The following ITPK1 variants were observed in gnomAD, a reference collection of about 807,000 sequenced individuals.
The protein encoded by ITPK1 is inositol 1,3,4-trisphosphate 5/6-kinase.
In ITPK1, 21 loss-of-function variants were observed where a neutral mutation model predicts 45.3. That is an observed-to-expected ratio of 0.46 (90% CI 0.33 to 0.67). The LOEUF (loss-of-function observed/expected upper bound fraction) is 0.67, where lower values mean the gene tolerates loss of function less well. Ranked by LOEUF, ITPK1 falls within the 30% of genes least tolerant of loss-of-function variation. ITPK1 has a pLI of 0.02. For missense variants in ITPK1, 474 were observed against 573.5 expected, an observed-to-expected ratio of 0.83 and a Z score of 1.77; for synonymous variants, 258 against 253.6, an observed-to-expected ratio of 1.02 and a Z score of -0.16.
At chr14:93,053,158 T>TA (rs1035235683) in intron 3 of ITPK1, among the ~76,000 whole-genome samples, 4 of 150,716 alleles carry the variant, frequency 2.7e-5, no homozygotes, top group South Asian at 2.1e-4. Context: ...AAAATAATAA[T>TA]AAAAAAAAAC....
At position 92,940,854 on chromosome 14, in the gene ITPK1, G is replaced by A. The variant is rs551493348; in HGVS notation, c.*707C>T. 4.1e-5 allele frequency: 53 copies of A among 1,288,672 alleles called. No individual in the cohort carries two copies. In the African/African-American group the frequency reaches 7.6e-4, roughly 18 times the overall value. The allele number at this position is 1,288,672 out of a possible 1,614,324, so 79.8% of individuals were successfully genotyped here. A position where few individuals can be genotyped will look rare whatever the true frequency, so the allele number is the denominator to read the frequency against. On this transcript the variant is annotated 3_prime_UTR_variant, in exon 11 of 11. Transcript: ENST00000267615. ...CAGGGAGCAGCAGTGCTGGCTTAGG[G>A]GAAGGAGACCGCTGTGCAGGGCTAA...
intron 5 of ITPK1, among the ~76,000 whole-genome samples, chr14:92,973,953 T>C (rs1488695505): frequency 6.6e-6 from 1 of 152,208 alleles, no homozygotes; most frequent in Non-Finnish European, 1.5e-5. Context: ...TAGAAAGCCA[T>C]GTGCCTTGCC....
chr14:93,078,867 A>G (rs1377727610), intron 2 of ITPK1, among the ~76,000 whole-genome samples: 1 of 152,144 alleles, frequency 6.6e-6, no homozygotes, highest in Admixed American at 6.5e-5. Flanking sequence ...GACCTTGAGG[A>G]GCCAGCCCAA....
intron 2 of ITPK1, among the ~76,000 whole-genome samples, chr14:93,082,965 C>A (rs1469950701): frequency 6.6e-6 from 1 of 152,208 alleles, no homozygotes; most frequent in Non-Finnish European, 1.5e-5. Context: ...CTCAAGCCAG[C>A]TAAAGCTTTC....
At chr14:93,113,179 G>A (rs1892816717) in intron 2 of ITPK1, among the ~76,000 whole-genome samples, 1 of 152,176 alleles carries the variant, frequency 6.6e-6, no homozygotes, top group Admixed American at 6.5e-5. Flanking sequence ...TTGGCCAAAG[G>A]AAGGCAACTA....
Position 92,938,593 on chromosome 14 carries a change from C to A in ITPK1, c.*2968G>T. On this transcript the variant is annotated 3_prime_UTR_variant, in exon 11 of 11. Transcript: ENST00000267615. Reference sequence around the variant, plus strand: ...TTTATTGACAGGCATGAGACACAGGCAGGCCCAGGCACAGGAAGCCCCATG... The same window carrying A: ...TTTATTGACAGGCATGAGACACAGGAAGGCCCAGGCACAGGAAGCCCCATG... 7.6e-7 allele frequency: 1 copy of A among 1,323,652 alleles called. No homozygotes were observed. The highest frequency in any genetic ancestry group is 1.1e-6 in the Non-Finnish European group (1 of 922,902). 82.0% of individuals were successfully genotyped at this position (1,323,652 alleles called of 1,614,324 possible). A position where few individuals can be genotyped will look rare whatever the true frequency, so the allele number is the denominator to read the frequency against.
intron 9 of ITPK1, among the ~76,000 whole-genome samples, chr14:92,950,093 C>T (rs533624721): frequency 6.6e-5 from 10 of 152,372 alleles, no homozygotes; most frequent in Admixed American, 5.9e-4. Context: ...GGCCGGACCC[C>T]AGGCAGTCCC....
chr14:92,999,462 G>A (rs569795580), intron 4 of ITPK1, among the ~76,000 whole-genome samples: 65 of 152,230 alleles, frequency 4.3e-4, no homozygotes, highest in Non-Finnish European at 8.2e-4. Flanking sequence ...AGCGCCGAGC[G>A]GGTACCATGG....
intron 5 of ITPK1, among the ~76,000 whole-genome samples, chr14:92,991,431 T>C (rs540345676): frequency 4.6e-5 from 7 of 152,182 alleles, no homozygotes; most frequent in Non-Finnish European, 8.8e-5. Context: ...CTACACTTCC[T>C]GCTGATCTAG....
chr14:93,053,043 G>A (rs1298058750), intron 3 of ITPK1, among the ~76,000 whole-genome samples: 1 of 151,488 alleles, frequency 6.6e-6, no homozygotes, highest in East Asian at 1.9e-4. Context: ...CGAGTTAATG[G>A]GTGCAGCACA....
chr14:93,010,933 T>C (rs1457080964), intron 4 of ITPK1, among the ~76,000 whole-genome samples: 1 of 149,356 alleles, frequency 6.7e-6, no homozygotes. Flanking sequence ...ACTCACACCA[T>C]GCCAGGCATT....
intron 3 of ITPK1, among the ~76,000 whole-genome samples, chr14:93,019,534 C>T (rs145825290): frequency 2.0e-5 from 3 of 152,352 alleles, no homozygotes; most frequent in East Asian, 3.9e-4. Context: ...GGACACACAT[C>T]AGGCCTGGGC....
Position 92,977,687 on chromosome 14 carries a change from A to T in ITPK1, c.365-14838T>A, listed in dbSNP as rs115948572. On this transcript the variant is annotated intron_variant, in intron 5 of 10. Coordinates refer to ENST00000267615, the MANE Select transcript of ITPK1 (RefSeq NM_014216.6). ...CATCCTTCTTTCTCTCTGTCTTGTC[A>T]CCATGTGAAGGTGTGCCTGCTTCCC... Among the ~76,000 whole-genome samples the T allele has an allele frequency of 6.6e-3, 996 of 151,912 alleles. 32 individuals carry two copies. Among genetic ancestry groups the T allele is most frequent in the African/African-American group, 0.023 (956 of 41,218 alleles).
rs568046518 is a variant in ITPK1, at chr14:92,994,255, G to A, written c.247-258C>T. 9.2e-5 allele frequency among the ~76,000 whole-genome samples: 14 copies of A among 152,326 alleles called. No individual in the cohort carries two copies. The South Asian group carries it at 2.5e-3, about 27-fold the overall frequency. ...ACTGCAACCAGGCTCAGGGCAGGCC[G>A]CCTGACTCCAGATAAAACCTCACCC... On this transcript the variant is annotated intron_variant, in intron 4 of 10. Coordinates refer to ENST00000267615, the MANE Select transcript of ITPK1 (RefSeq NM_014216.6).
At chr14:93,000,112 G>A (rs1251893182) in intron 4 of ITPK1, among the ~76,000 whole-genome samples, 7 of 152,200 alleles carry the variant, frequency 4.6e-5, no homozygotes, top group South Asian at 4.1e-4. Context: ...AGTACTTCAC[G>A]GCATGGTGTA....
At chr14:93,049,760 G>T (rs1889928951) in intron 3 of ITPK1, among the ~76,000 whole-genome samples, 1 of 116,414 alleles carries the variant, frequency 8.6e-6, no homozygotes, top group South Asian at 3.6e-4. Context: ...CGGGGGTGGG[G>T]GGTGGGTAAG....
rs1193112077 is a variant in ITPK1, at chr14:93,064,036, C to T, written c.120+12559G>A. Among the ~76,000 whole-genome samples the T allele has an allele frequency of 2.6e-5, 4 of 152,158 alleles. No individual in the cohort carries two copies. The East Asian group carries it at 7.7e-4, about 29-fold the overall frequency. On this transcript the variant is annotated intron_variant, in intron 3 of 10. Coordinates refer to ENST00000267615, the MANE Select transcript of ITPK1 (RefSeq NM_014216.6). ...TGGTGGCTCACACCTGTAATCCCAG[C>T]ACTTTGGGAGGCCAAGGTGGGTGGA...
Position 92,993,850 on chromosome 14 carries a change from C to T in ITPK1, c.364+30G>A, listed in dbSNP as rs374175294. 61 of 1,436,986 alleles carry T rather than the reference C, an allele frequency of 4.2e-5. No homozygotes were observed. The East Asian group carries it at 5.9e-4, about 14-fold the overall frequency. 89.0% of individuals were successfully genotyped at this position (1,436,986 alleles called of 1,614,324 possible). ...TTGTGACCACAAAGGTGGCTGCCTG[C>T]CACGGATGTGGTGCCACACGTGTCC... On this transcript the variant is annotated intron_variant, in intron 5 of 10. Transcript: ENST00000267615.
At chr14:92,993,767 C>A in intron 5 of ITPK1, 113 bp downstream of exon 5, 1 of 701,480 alleles carries the variant, frequency 1.4e-6, no homozygotes, top group Non-Finnish European at 2.6e-6. Flanking sequence ...TGCTTCCTGC[C>A]CCAAAGTGCT....
Sources: gnomAD v4.1 joint callset for allele counts (sites outside exome capture counted in the v4.1 genomes callset) on GRCh38, gnomAD v4.1.1 for gene constraint, MANE v1.5 for transcripts, NCBI Gene and HGNC (gene_info 2026-07-23, HGNC 2026-07-21) for gene names.